ARHGEF28: variants seen among roughly 807,000 people sequenced by gnomAD.
The protein encoded by ARHGEF28 is 190 kDa guanine nucleotide exchange factor.
A neutral mutation model predicts 206.6 loss-of-function variants in ARHGEF28; 152 were observed. That is an observed-to-expected ratio of 0.74 (90% CI 0.64 to 0.84). The LOEUF (loss-of-function observed/expected upper bound fraction) is 0.84, where lower values mean the gene tolerates loss of function less well. Among genes scored for constraint, ARHGEF28 ranks in the 40% least tolerant of loss-of-function variants. The pLI is 0.00. For synonymous variants in ARHGEF28, 763 were observed against 776.4 expected (o/e 0.98, Z 0.29); for missense variants, 2,028 against 2,073.2 (o/e 0.98, Z 0.42).
chr5:73,840,738 C>A lies in ARHGEF28; in HGVS notation c.1405C>A (p.Gln469Lys), dbSNP rs1379883559. 1 of 1,609,948 alleles carries A rather than the reference C, an allele frequency of 6.2e-7. No individual in the cohort carries two copies. Among genetic ancestry groups the A allele is most frequent in the Non-Finnish European group, 8.5e-7 (1 of 1,177,768 alleles). ...TGGTTGGCATGGATTTGAAAAGGAACAAAGTCATCTAAAGAAAAGAAGGTA... is the reference window on the plus strand; with the variant it reads ...TGGTTGGCATGGATTTGAAAAGGAAAAAAGTCATCTAAAGAAAAGAAGGTA... ...SFGWHGFEKE[Q>K]SHLKKRSSSL... is the part of the protein sequence containing the mutation. Residue 469 changes from glutamine (Q) to lysine (K), a missense_variant, in exon 11 of 36, where the codon CAA (glutamine) becomes AAA (lysine). Around this residue, in one of 3 missense-constraint regions of ARHGEF28, gnomAD observed 1,002 missense variants for 1,015.3 expected, o/e 0.99. Coordinates refer to ENST00000513042, the MANE Select transcript of ARHGEF28 (RefSeq NM_001177693.2).
At chr5:73,658,021 T>C (rs1580449403) in intron 1 of ARHGEF28, among the ~76,000 whole-genome samples, 1 of 152,144 alleles carries the variant, frequency 6.6e-6, no homozygotes, top group Non-Finnish European at 1.5e-5. Context: ...CCTTGCTTTC[T>C]TGGGAGAGCG....
At chr5:73,908,394 T>C (rs1176750799) in intron 33 of ARHGEF28, 1 of 152,154 alleles carries the variant, frequency 6.6e-6, no homozygotes, top group Non-Finnish European at 1.5e-5. Flanking sequence ...GAAGGAAAAA[T>C]GTGAATTTAT....
chr5:73,893,484 T>C (rs1014993942), intron 28 of ARHGEF28, 196 bp downstream of exon 28: 3 of 425,424 alleles, frequency 7.1e-6, no homozygotes, highest in African/African-American at 6.1e-5. Flanking sequence ...ACCTTAGTGA[T>C]TAAAATGGAT....
chr5:73,738,792 A>G (rs1751182224), intron 2 of ARHGEF28, among the ~76,000 whole-genome samples: 1 of 152,108 alleles, frequency 6.6e-6, no homozygotes, highest in African/African-American at 2.4e-5. Flanking sequence ...TTAGTTTGAG[A>G]TGTTCAATGC....
chr5:73,694,502 G>T (rs1748058664), intron 2 of ARHGEF28, among the ~76,000 whole-genome samples: 1 of 152,156 alleles, frequency 6.6e-6, no homozygotes, highest in Admixed American at 6.5e-5. Context: ...ATCTAAGTAA[G>T]GATTTTAGGC....
At chr5:73,806,427 A>G (rs1755463474) in intron 9 of ARHGEF28, among the ~76,000 whole-genome samples, 1 of 128,712 alleles carries the variant, frequency 7.8e-6, no homozygotes, top group Non-Finnish European at 1.6e-5. Context: ...TATATACTAT[A>G]TATAGTATGT....
chr5:73,675,204 G>C (rs1316525579), intron 1 of ARHGEF28, among the ~76,000 whole-genome samples: 2 of 152,174 alleles, frequency 1.3e-5, no homozygotes, highest in African/African-American at 4.8e-5. Context: ...AGGACACCCA[G>C]CTTGTGTCTG....
intron 2 of ARHGEF28, among the ~76,000 whole-genome samples, chr5:73,689,150 T>A (rs1257264597): frequency 3.3e-5 from 5 of 152,200 alleles, no homozygotes; most frequent in African/African-American, 1.2e-4. Context: ...AAGAATTAAA[T>A]TTTTGTTTTT....
In ARHGEF28 at chr5:73,800,576, T is replaced by A. The variant is rs372833312; in HGVS notation, c.1024+5185T>A. Reference sequence around the variant, plus strand: ...GGTGTTGGGACTGGGAGGGAGGGCATTGAGGACAGATGAACCAAAGCTGGA... The same window carrying A: ...GGTGTTGGGACTGGGAGGGAGGGCAATGAGGACAGATGAACCAAAGCTGGA... On this transcript the variant is annotated intron_variant, in intron 9 of 35. Transcript: ENST00000513042. Among the ~76,000 whole-genome samples, 198 of 151,882 alleles carry A rather than the reference T, an allele frequency of 1.3e-3. 5 individuals are homozygous for A. The South Asian group carries it at 0.04, about 31-fold the overall frequency.
chr5:73,848,904 C>A (rs1758534086), intron 12 of ARHGEF28, 72 bp from the exon 13 acceptor site: 26 of 1,086,054 alleles, frequency 2.4e-5, no homozygotes, highest in Non-Finnish European at 3.5e-5. Flanking sequence ...AATTTAGTAA[C>A]ATTTGAGGTG....
At chr5:73,754,381 A>C (rs1238728680) in intron 4 of ARHGEF28, among the ~76,000 whole-genome samples, 1 of 152,080 alleles carries the variant, frequency 6.6e-6, no homozygotes, top group African/African-American at 2.4e-5. Context: ...CTAGTCCAGC[A>C]CCGAGCCATG....
At chr5:73,814,948 A>G (rs1028404153) in intron 9 of ARHGEF28, among the ~76,000 whole-genome samples, 1 of 152,192 alleles carries the variant, frequency 6.6e-6, no homozygotes, top group Admixed American at 6.5e-5. Flanking sequence ...TTTAAATTCT[A>G]TCATTGAAGA....
intron 3 of ARHGEF28, among the ~76,000 whole-genome samples, chr5:73,752,395 CCTTTTGTTTTCT>C (rs1161998558): frequency 1.3e-5 from 2 of 152,038 alleles, no homozygotes; most frequent in Admixed American, 1.3e-4. Flanking sequence ...ATATATTTTC[CCTTTTGTTTTCT>C]CTTGGGTAGT....
At chr5:73,863,048 T>C (rs1272532872) in intron 16 of ARHGEF28, 1 of 152,138 alleles carries the variant, frequency 6.6e-6, no homozygotes, top group Non-Finnish European at 1.5e-5. Flanking sequence ...CCTTCATTGC[T>C]TTGCCAACAT....
intron 2 of ARHGEF28, among the ~76,000 whole-genome samples, chr5:73,719,808 A>C (rs1484434575): frequency 6.6e-6 from 1 of 152,270 alleles, no homozygotes; most frequent in African/African-American, 2.4e-5. Context: ...ATTCCACAGC[A>C]GGTGTCTGTT....
chr5:73,685,074 C>G (rs1454865665), intron 2 of ARHGEF28, among the ~76,000 whole-genome samples, 190 bp downstream of exon 2: 1 of 152,144 alleles, frequency 6.6e-6, no homozygotes, highest in East Asian at 1.9e-4. Context: ...CTGTTTTAAA[C>G]TCTGGATTTT....
intron 2 of ARHGEF28, among the ~76,000 whole-genome samples, chr5:73,715,990 C>T (rs775217608): frequency 2.4e-4 from 36 of 152,080 alleles, no homozygotes; most frequent in Non-Finnish European, 4.0e-4. Context: ...AAAGATGAGG[C>T]GTTATCAGTT....
At chr5:73,881,280 C>G (rs1760921809) in intron 22 of ARHGEF28, among the ~76,000 whole-genome samples, 1 of 151,980 alleles carries the variant, frequency 6.6e-6, no homozygotes, top group South Asian at 2.1e-4. Flanking sequence ...TGTTCTAGTT[C>G]CTTTCCTTTT....
rs915099003 is a variant in ARHGEF28, at chr5:73,941,857, T to G, written c.*844T>G. ...CATTAAGTTTGCTGCCTGGATACAC[T>G]TTTCCACAAAGGAAAACTGGCATAT... On this transcript the variant is annotated 3_prime_UTR_variant, in exon 36 of 36. Coordinates refer to ENST00000513042, the MANE Select transcript of ARHGEF28 (RefSeq NM_001177693.2). 8 of 152,124 alleles carry G rather than the reference T, an allele frequency of 5.3e-5. No homozygotes were observed. The highest frequency in any genetic ancestry group is 1.9e-4 in the African/African-American group (8 of 41,432). 9.4% of individuals were successfully genotyped at this position (152,124 alleles called of 1,614,324 possible). A position where few individuals can be genotyped will look rare whatever the true frequency, so the allele number is the denominator to read the frequency against.
Sources: allele counts gnomAD v4.1 joint callset (sites outside exome capture counted in the v4.1 genomes callset), GRCh38; gene constraint gnomAD v4.1.1; regional missense constraint gnomAD v4.1.1; transcripts MANE v1.5; gene names NCBI Gene and HGNC (gene_info 2026-07-23, HGNC 2026-07-21).